Variants in ILDR2 observed in about 807,000 individuals in gnomAD.
ILDR2 encodes immunoglobulin like domain containing receptor 2.
In ILDR2, 25 loss-of-function variants were observed where a neutral mutation model predicts 66.8. The observed-to-expected ratio is 0.37, with a 90% CI of 0.27 to 0.52. ILDR2 has a LOEUF of 0.52. Among genes scored for constraint, ILDR2 ranks in the 20% least tolerant of loss-of-function variants. The pLI, the probability that ILDR2 is intolerant of heterozygous loss-of-function variation, is 0.88. For missense variants in ILDR2, 827 were observed against 876.8 expected (o/e 0.94, Z 0.72); for synonymous variants, 367 against 357.2 (o/e 1.03, Z -0.31).
At chr1:166,941,809 A>G (rs1421535922) in intron 3 of ILDR2, among the ~76,000 whole-genome samples, 1 of 152,228 alleles carries the variant, frequency 6.6e-6, no homozygotes, top group Non-Finnish European at 1.5e-5. Flanking sequence ...CTATGATCCA[A>G]ATCATTACTT....
chr1:166,897,514 T>A (rs1042538512), intron 2 of ILDR2, among the ~76,000 whole-genome samples: 3 of 152,174 alleles, frequency 2.0e-5, no homozygotes, highest in Non-Finnish European at 4.4e-5. Context: ...ACTATGTGAT[T>A]AAAAGTTTGG....
intron 3 of ILDR2, among the ~76,000 whole-genome samples, chr1:166,941,966 GA>G: frequency 6.6e-6 from 1 of 152,336 alleles, no homozygotes; most frequent in South Asian, 2.1e-4. Flanking sequence ...TGTTATATCG[GA>G]AAAAGCAGTG....
At chr1:166,963,011 C>T (rs1012999173) in intron 1 of ILDR2, among the ~76,000 whole-genome samples, 1 of 152,192 alleles carries the variant, frequency 6.6e-6, no homozygotes, top group Non-Finnish European at 1.5e-5. Flanking sequence ...CCTCATTCAT[C>T]GTCTCCTCTT....
intron 3 of ILDR2, among the ~76,000 whole-genome samples, chr1:166,940,333 T>G (rs1661234875): frequency 6.6e-6 from 1 of 152,206 alleles, no homozygotes; most frequent in Non-Finnish European, 1.5e-5. Context: ...GGGAGCAGAT[T>G]AGTCCGTTTT....
At chr1:166,938,886 G>A (rs1661139863) in intron 4 of ILDR2, among the ~76,000 whole-genome samples, 1 of 152,180 alleles carries the variant, frequency 6.6e-6, no homozygotes, top group Non-Finnish European at 1.5e-5. Flanking sequence ...GGCTTGTCTA[G>A]GTTGGTGGAT....
chr1:166,964,393 G>T (rs1036024607), intron 1 of ILDR2, among the ~76,000 whole-genome samples: 2 of 152,200 alleles, frequency 1.3e-5, no homozygotes, highest in Admixed American at 1.3e-4. Flanking sequence ...CTCATCTTGA[G>T]AAATTCAATA....
In ILDR2 at chr1:166,958,041, T is replaced by C. The variant is rs146084397; in HGVS notation, c.107A>G (p.Gln36Arg). ...GAAGTGGCAGCGAAGCACAGTGGGC[T>C]GGAAGAGCATGGCCACCTTCTTCTT... ...PDKKKVAMLFQPTVLRCHFST... is the reference protein window; with the variant it reads ...PDKKKVAMLFRPTVLRCHFST... The change falls in exon 2 of 10, where the codon CAG (glutamine) becomes CGG (arginine). Residue 36 changes from glutamine (Q) to arginine (R), a missense_variant. Physicochemically the swap from Gln to Arg is conservative, Grantham distance 43. Transcript: ENST00000271417. The C allele has an allele frequency of 2.4e-5, 39 of 1,613,900 alleles. No homozygotes were observed. The African/African-American group carries it at 3.6e-4, about 15-fold the overall frequency.
rs186429669 is a variant in ILDR2 at position 166,912,013 on chromosome 1, C to T, written c.*7342G>A. On this transcript the variant is annotated 3_prime_UTR_variant, in exon 10 of 10. Coordinates refer to ENST00000271417, the MANE Select transcript of ILDR2 (RefSeq NM_199351.3). ...CATATTTAATGGGAAATCCAATCCA[C>T]GGATTTAGGAAACACCACAAATCCT... The T allele has an allele frequency of 2.6e-5, 4 of 152,178 alleles. No homozygotes were observed. Among genetic ancestry groups the T allele is most frequent in the Admixed American group, 1.3e-4 (2 of 15,284 alleles). 9.4% of individuals were successfully genotyped at this position (152,178 alleles called of 1,614,324 possible). A position where few individuals can be genotyped will look rare whatever the true frequency, so the allele number is the denominator to read the frequency against.
At chr1:166,969,983 T>C (rs1663185813) in intron 1 of ILDR2, among the ~76,000 whole-genome samples, 1 of 152,182 alleles carries the variant, frequency 6.6e-6, no homozygotes, top group African/African-American at 2.4e-5. Context: ...ATGAAAGCCA[T>C]TTAACACATA....
At position 166,912,422 on chromosome 1, in the gene ILDR2, A is replaced by G. The variant is rs1397623471; in HGVS notation, c.*6933T>C. The G allele has an allele frequency of 6.6e-6, 1 of 152,198 alleles. No individual in the cohort carries two copies. Among genetic ancestry groups the G allele is most frequent in the Non-Finnish European group, 1.5e-5 (1 of 68,028 alleles). 9.4% of individuals were successfully genotyped at this position (152,198 alleles called of 1,614,324 possible). A position where few individuals can be genotyped will look rare whatever the true frequency, so the allele number is the denominator to read the frequency against. ...AATATAGGAAAAAAAGATGTGTAGA[A>G]AAAACACGTGGGTGATTCTAAACAA... On this transcript the variant is annotated 3_prime_UTR_variant, in exon 10 of 10. Transcript: ENST00000271417.
chr1:166,896,672 G>C (rs1225300117), intron 2 of ILDR2, among the ~76,000 whole-genome samples: 1 of 116,414 alleles, frequency 8.6e-6, no homozygotes, highest in Non-Finnish European at 1.7e-5. Context: ...TCTCACTCTT[G>C]TTGCCCAGGC....
rs371623174 is a variant in ILDR2, at chr1:166,973,543, A to AC, written c.46+1679dup. Among the ~76,000 whole-genome samples, 1,025 of 146,134 alleles carry AC rather than the reference A, an allele frequency of 7.0e-3. 13 individuals are homozygous for AC. Among genetic ancestry groups the AC allele is most frequent in the African/African-American group, 0.024 (973 of 39,874 alleles). ...TCCCTTCTTCTCTCACTCCCTGCAA[A>AC]CCCCCAGAGTACTTCTTTTAGGCAG... On this transcript the variant is annotated intron_variant, in intron 1 of 9. Coordinates refer to ENST00000271417, the MANE Select transcript of ILDR2 (RefSeq NM_199351.3).
chr1:166,962,109 C>A (rs1662654186), intron 1 of ILDR2, among the ~76,000 whole-genome samples: 1 of 152,144 alleles, frequency 6.6e-6, no homozygotes, highest in Non-Finnish European at 1.5e-5. Context: ...AATGCCAATC[C>A]CTGCTTCCAC....
At position 166,953,760 on chromosome 1, in the gene ILDR2, T is replaced by C. The variant is rs148909561; in HGVS notation, c.499+2973A>G. Among the ~76,000 whole-genome samples the C allele has an allele frequency of 6.2e-3, 945 of 152,338 alleles. 9 individuals are homozygous for C. Among genetic ancestry groups the C allele is most frequent in the African/African-American group, 0.021 (876 of 41,588 alleles). On this transcript the variant is annotated intron_variant, in intron 3 of 9. Transcript: ENST00000271417. ...TTTCTTATTCATCAAGGGAGTCACATCAATCATGTTCATCTACTTTTTAAA... is the reference window on the plus strand; with the variant it reads ...TTTCTTATTCATCAAGGGAGTCACACCAATCATGTTCATCTACTTTTTAAA...
At position 166,912,116 on chromosome 1, in the gene ILDR2, T is replaced by C. The variant is rs549029938; in HGVS notation, c.*7239A>G. Reference sequence around the variant, plus strand: ...AAGAACACTAGAGACAAAAAAATCTTTAGAACAGTCAGAGAGACCAGACAG... The same window carrying C: ...AAGAACACTAGAGACAAAAAAATCTCTAGAACAGTCAGAGAGACCAGACAG... On this transcript the variant is annotated 3_prime_UTR_variant, in exon 10 of 10. Coordinates refer to ENST00000271417, the MANE Select transcript of ILDR2 (RefSeq NM_199351.3). 3.3e-5 allele frequency: 5 copies of C among 152,226 alleles called. No homozygotes were observed. The South Asian group carries it at 1.0e-3, about 32-fold the overall frequency. The allele number at this position is 152,226 out of a possible 1,614,324, so 9.4% of individuals were successfully genotyped here.
intron 6 of ILDR2, among the ~76,000 whole-genome samples, chr1:166,934,104 A>G (rs1043925933): frequency 1.3e-5 from 2 of 152,080 alleles, no homozygotes; most frequent in Non-Finnish European, 2.9e-5. Context: ...TAGCACATAC[A>G]ATCCTAAGCT....
chr1:166,954,319 T>C (rs1358866687), intron 3 of ILDR2, among the ~76,000 whole-genome samples: 1 of 152,152 alleles, frequency 6.6e-6, no homozygotes, highest in Non-Finnish European at 1.5e-5. Flanking sequence ...ATAAGAAATT[T>C]TACAACTGTG....
chr1:166,936,821 A>C lies in ILDR2; in HGVS notation c.557-84T>G. On this transcript the variant is annotated intron_variant, in intron 4 of 9. Transcript: ENST00000271417. The surrounding 1 kb of genome is among the most constrained non-coding windows in gnomAD (Gnocchi z 5.0). ...ACTTTGATTGGCATCTCCCGGTGAA[A>C]GGGGGAGAGGAGGAGGGACCTAGGG... 1 of 1,358,730 alleles carries C rather than the reference A, an allele frequency of 7.4e-7. No homozygotes were observed. The highest frequency in any genetic ancestry group is 1.0e-6 in the Non-Finnish European group (1 of 966,050). 84.2% of individuals were successfully genotyped at this position (1,358,730 alleles called of 1,614,324 possible).
chr1:166,973,193 T>C (rs958377962), intron 1 of ILDR2, among the ~76,000 whole-genome samples: 1 of 152,090 alleles, frequency 6.6e-6, no homozygotes, highest in African/African-American at 2.4e-5. Flanking sequence ...TGTTGCCTGA[T>C]TCCAAGCAGA....
Sources: allele counts gnomAD v4.1 joint callset (sites outside exome capture counted in the v4.1 genomes callset), GRCh38; gene constraint gnomAD v4.1.1; non-coding constraint Gnocchi (gnomAD v3.1); transcripts MANE v1.5; gene names NCBI Gene and HGNC (gene_info 2026-07-23, HGNC 2026-07-21).